Variants in SAFB observed in about 807,000 individuals in gnomAD.
The protein encoded by SAFB is scaffold attachment factor B1.
Under a neutral mutation model 101.6 loss-of-function variants are expected in SAFB, and 15 were observed. The ratio of observed to expected loss-of-function variants is 0.15; its 90% CI spans 0.10 to 0.23. The LOEUF (loss-of-function observed/expected upper bound fraction) is 0.23. SAFB is among the 10% of genes least tolerant of loss of function. The probability of loss-of-function intolerance (pLI) is 1.00; values close to 1 mark genes in which losing one functional copy is unlikely to be tolerated. For missense variants in SAFB, 930 were observed against 1,104.1 expected (o/e 0.84, Z 2.23); for synonymous variants, 449 against 407.5 (o/e 1.10, Z -1.23).
chr19:5,661,958 C>T (rs2054218919), intron 15 of SAFB, 150 bp downstream of exon 15: 4 of 646,574 alleles, frequency 6.2e-6, no homozygotes, highest in Admixed American at 3.0e-5. Flanking sequence ...GATCTTGGCT[C>T]ACTGCAAGCT....
At chr19:5,633,378 C>T (rs1425875865) in intron 2 of SAFB, among the ~76,000 whole-genome samples, 1 of 152,182 alleles carries the variant, frequency 6.6e-6, no homozygotes, top group Non-Finnish European at 1.5e-5. Flanking sequence ...TTTTTACCTT[C>T]TGGAATGGCA....
rs961660973 is a variant in SAFB, at chr19:5,654,443, G to C, written c.1742G>C (p.Gly581Ala). 4 of 1,602,398 alleles carry C rather than the reference G, an allele frequency of 2.5e-6. No homozygotes were observed. The highest frequency in any genetic ancestry group is 1.7e-5 in the Admixed American group (1 of 60,012). Reference sequence around the variant, plus strand: ...CCTGTGATTAGTGTAAAAACGTCCGGGTCCAAAGAGAGAGTGAGTATTAAT... The same window carrying C: ...CCTGTGATTAGTGTAAAAACGTCCGCGTCCAAAGAGAGAGTGAGTATTAAT... ...GVPVISVKTS[G>A]SKERASKSQD... The change falls in exon 13 of 21, where the codon GGG becomes GCG. Residue 581 changes from glycine to alanine, a missense_variant. Physicochemically the swap from Gly to Ala is moderately conservative, Grantham distance 60. Transcript: ENST00000588852.
intron 2 of SAFB, 131 bp downstream of exon 2, chr19:5,626,620 G>A (rs911952178): frequency 1.7e-6 from 1 of 595,756 alleles, no homozygotes; most frequent in African/African-American, 1.9e-5. Context: ...CTTCAGCGAA[G>A]CTTTGCATTT....
At chr19:5,631,174 T>C (rs1053310539) in intron 2 of SAFB, among the ~76,000 whole-genome samples, 1 of 152,030 alleles carries the variant, frequency 6.6e-6, no homozygotes. Context: ...TGGGCAACAG[T>C]GCAAGACTGT....
chr19:5,630,766 A>C (rs140610929), intron 2 of SAFB, among the ~76,000 whole-genome samples: 136 of 152,162 alleles, frequency 8.9e-4, no homozygotes, highest in Non-Finnish European at 1.6e-3. Flanking sequence ...AAAAAAAAAA[A>C]AACTATATGT....
Position 5,661,617 on chromosome 19 carries a change from C to G in SAFB, c.1962C>G (p.Phe654Leu). 1 of 1,612,584 alleles carries G rather than the reference C, an allele frequency of 6.2e-7. No homozygotes were observed. Among genetic ancestry groups the G allele is most frequent in the South Asian group, 1.1e-5 (1 of 91,066 alleles). Residue 654 changes from phenylalanine to leucine, a missense_variant, in exon 15 of 21, where the codon TTC becomes TTG. By Grantham distance (22) the Phe-to-Leu change is conservative. Transcript: ENST00000588852. ...AGATTGCCCGAGAGAGGCTGGCCTT[C>G]CAGCGCCAGCGGCTGGAGCGGGAGC... Reference protein sequence around the residue: ...RLEIARERLAFQRQRLERERM... With the variant: ...RLEIARERLALQRQRLERERM...
Position 5,667,788 on chromosome 19 carries a change from G to C in SAFB, c.2558-32G>C, listed in dbSNP as rs372664858. ...CGTGGGTTCCACGCCGTGTGCGCAA[G>C]TTCCCTGTGTGAAAGCACGTCTGTC... On this transcript the variant is annotated intron_variant, in intron 19 of 20. Coordinates refer to ENST00000588852, the MANE Select transcript of SAFB (RefSeq NM_001201338.2). The surrounding 1 kb of genome is among the most constrained non-coding windows in gnomAD (Gnocchi z 4.0). 4.0e-5 allele frequency: 64 copies of C among 1,612,780 alleles called. No homozygotes were observed. The African/African-American group carries it at 8.3e-4, about 21-fold the overall frequency.
intron 13 of SAFB, among the ~76,000 whole-genome samples, chr19:5,656,684 C>T (rs1445641817): frequency 1.3e-5 from 2 of 151,746 alleles, no homozygotes; most frequent in East Asian, 3.9e-4. Flanking sequence ...TCAAGGGATC[C>T]TCCCACCTCA....
chr19:5,626,576 G>A, intron 2 of SAFB, 87 bp downstream of exon 2: 1 of 802,882 alleles, frequency 1.2e-6, no homozygotes, highest in South Asian at 1.5e-5. Context: ...ACTTGTCTGT[G>A]TGTTGGACTT....
At chr19:5,653,724 A>G (rs1188229813) in intron 11 of SAFB, among the ~76,000 whole-genome samples, 2 of 147,448 alleles carry the variant, frequency 1.4e-5, no homozygotes, top group African/African-American at 2.5e-5. Flanking sequence ...CGGCCTCCCA[A>G]AGTGCTCGGA....
At chr19:5,665,125 A>G (rs539347969) in intron 17 of SAFB, 5 of 152,454 alleles carry the variant, frequency 3.3e-5, no homozygotes, top group African/African-American at 4.8e-5. Context: ...GGACTCCACC[A>G]TAAGCTTCCC....
At chr19:5,657,493 T>C (rs1398537621) in intron 14 of SAFB, 146 bp downstream of exon 14, 2 of 592,296 alleles carry the variant, frequency 3.4e-6, no homozygotes, top group South Asian at 2.2e-5. Context: ...AGACTTGTTA[T>C]GTTTTAACTT....
chr19:5,650,271 T>C (rs1459604425), intron 8 of SAFB, among the ~76,000 whole-genome samples: 1 of 152,188 alleles, frequency 6.6e-6, no homozygotes, highest in African/African-American at 2.4e-5. Context: ...CCAAATTCCT[T>C]CTTAATCAGT....
chr19:5,644,578 C>T (rs1201130340), intron 4 of SAFB, among the ~76,000 whole-genome samples: 3 of 152,158 alleles, frequency 2.0e-5, no homozygotes, highest in Non-Finnish European at 4.4e-5. Context: ...CCTTTTGAGT[C>T]TTCTGATCGT....
Position 5,657,398 on chromosome 19 carries a change from G to A in SAFB, c.1862+51G>A, listed in dbSNP as rs772108903. On this transcript the variant is annotated intron_variant, in intron 14 of 20. Transcript: ENST00000588852. ...GGTGTTTTTCCTAGAATGTGGTCAT[G>A]ACTGTCTTCTGGAAGGATGTTTGCA... The A allele has an allele frequency of 2.5e-5, 32 of 1,279,076 alleles. No individual in the cohort carries two copies. The South Asian group carries it at 3.2e-4, about 13-fold the overall frequency. The allele number at this position is 1,279,076 out of a possible 1,614,324, so 79.2% of individuals were successfully genotyped here.
intron 6 of SAFB, 160 bp from the exon 7 acceptor site, chr19:5,648,829 G>A: frequency 3.4e-6 from 2 of 580,742 alleles, no homozygotes; most frequent in Non-Finnish European, 6.3e-6. Context: ...CGCAGGTAGT[G>A]TAACCAGTAT....
At chr19:5,623,553 G>C (rs2053246248) in intron 1 of SAFB, among the ~76,000 whole-genome samples, 159 bp downstream of exon 1, 1 of 152,222 alleles carries the variant, frequency 6.6e-6, no homozygotes, top group South Asian at 2.1e-4. Flanking sequence ...CCCGGAGAGA[G>C]TTCCTTGGCC....
chr19:5,648,154 T>C (rs902570433), intron 6 of SAFB, 111 bp downstream of exon 6: 57 of 923,004 alleles, frequency 6.2e-5, no homozygotes, highest in Non-Finnish European at 9.2e-5. Flanking sequence ...TAGTATACAT[T>C]GTTCTAAAGG....
intron 1 of SAFB, among the ~76,000 whole-genome samples, chr19:5,625,662 T>C (rs2053342071): frequency 6.6e-6 from 1 of 152,216 alleles, no homozygotes; most frequent in South Asian, 2.1e-4. Context: ...GATGGCTTAG[T>C]TGATGCCAGG....
Sources: gnomAD v4.1 joint callset for allele counts (sites outside exome capture counted in the v4.1 genomes callset) on GRCh38, gnomAD v4.1.1 for gene constraint, Gnocchi (gnomAD v3.1) non-coding constraint, MANE v1.5 for transcripts, NCBI Gene and HGNC (gene_info 2026-07-23, HGNC 2026-07-21) for gene names.